The following CCDC175 variants were observed in gnomAD, a reference collection of about 807,000 sequenced individuals.
The protein encoded by CCDC175 is coiled-coil domain-containing protein 175.
In CCDC175, 100 loss-of-function variants were observed where a neutral mutation model predicts 114.6. The ratio of observed to expected loss-of-function variants is 0.87; its 90% CI spans 0.74 to 1.03. The LOEUF is 1.03. Among genes scored for constraint, CCDC175 ranks in the 50% least tolerant of loss-of-function variants. CCDC175 has a pLI of 0.00. For missense variants in CCDC175, 880 were observed against 917.8 expected, an observed-to-expected ratio of 0.96 and a Z score of 0.53; for synonymous variants, 306 against 308.7, an observed-to-expected ratio of 0.99 and a Z score of 0.09.
At chr14:59,534,180 G>T (rs997796350) in intron 13 of CCDC175, among the ~76,000 whole-genome samples, 2 of 152,122 alleles carry the variant, frequency 1.3e-5, no homozygotes, top group African/African-American at 4.8e-5. Context: ...AGACTGTGGG[G>T]TACTAGGTTC....
chr14:59,516,777 C>G (rs1446473238), intron 17 of CCDC175, among the ~76,000 whole-genome samples: 1 of 152,106 alleles, frequency 6.6e-6, no homozygotes, highest in Non-Finnish European at 1.5e-5. Flanking sequence ...TGAAACTATT[C>G]CAATCAATAG....
At chr14:59,548,989 A>G (rs867496778) in intron 8 of CCDC175, among the ~76,000 whole-genome samples, 2 of 152,322 alleles carry the variant, frequency 1.3e-5, no homozygotes, top group Middle Eastern at 3.4e-3. Context: ...GAACTGTGAG[A>G]GAAAGAAAAG....
chr14:59,520,541 T>C (rs1328186400), intron 17 of CCDC175, among the ~76,000 whole-genome samples: 1 of 152,224 alleles, frequency 6.6e-6, no homozygotes, highest in East Asian at 1.9e-4. Context: ...TAAAAACACT[T>C]GTAAACAAAT....
intron 19 of CCDC175, among the ~76,000 whole-genome samples, chr14:59,506,209 A>G (rs1892370280): frequency 6.6e-6 from 1 of 152,220 alleles, no homozygotes; most frequent in African/African-American, 2.4e-5. Context: ...GAGAGATTTA[A>G]AAAAATAATG....
chr14:59,522,779 G>T (rs552192459), intron 16 of CCDC175, among the ~76,000 whole-genome samples: 10 of 152,344 alleles, frequency 6.6e-5, no homozygotes, highest in African/African-American at 2.2e-4. Context: ...GTGTGGCAAG[G>T]TTCCCTTGCT....
intron 17 of CCDC175, among the ~76,000 whole-genome samples, chr14:59,520,005 C>T (rs1450133626): frequency 1.3e-5 from 2 of 152,318 alleles, no homozygotes; most frequent in East Asian, 1.9e-4. Flanking sequence ...TTTCAGTTCC[C>T]GGCTGTTGAA....
chr14:59,524,391 C>A (rs143110223), intron 16 of CCDC175, among the ~76,000 whole-genome samples: 3 of 152,188 alleles, frequency 2.0e-5, no homozygotes, highest in Admixed American at 1.3e-4. Flanking sequence ...GAGCTATAAT[C>A]AGTATGAAAT....
At position 59,563,804 on chromosome 14, in the gene CCDC175, T is replaced by G; in HGVS notation, c.776A>C (p.Lys259Thr). The change falls in exon 6 of 20, where the codon AAG becomes ACG. Residue 259 changes from lysine to threonine, a missense_variant. Coordinates refer to ENST00000537690, the MANE Select transcript of CCDC175 (RefSeq NM_001164399.2). ...EVKRMETYQK[K>T]KELDKLQTKM... The stretch of plus-strand genomic sequence containing the variant: ...AGTTTGTAATTTATCCAATTCTTTC[T>G]TCTTTTGATAAGTCTCCATTCTCTT... 1 of 1,439,518 alleles carries G rather than the reference T, an allele frequency of 6.9e-7. No homozygotes were observed. Among genetic ancestry groups the G allele is most frequent in the Non-Finnish European group, 9.1e-7 (1 of 1,095,336 alleles). 89.2% of individuals were successfully genotyped at this position (1,439,518 alleles called of 1,614,324 possible).
intron 19 of CCDC175, among the ~76,000 whole-genome samples, chr14:59,508,584 A>AAG (rs1317367070): frequency 2.0e-5 from 3 of 150,606 alleles, no homozygotes; most frequent in Non-Finnish European, 3.0e-5. Flanking sequence ...AAAAAAAAAA[A>AAG]AGAGAGAAAA....
In CCDC175 at chr14:59,510,699, C is replaced by A. The variant is rs1431740868; in HGVS notation, c.2252G>T (p.Ser751Ile). Residue 751 changes from serine (S) to isoleucine (I), a missense_variant, in exon 19 of 20, where the codon AGT becomes ATT. Coordinates refer to ENST00000537690, the MANE Select transcript of CCDC175 (RefSeq NM_001164399.2). ...MQHVSTWLRG[S>I]LEGLRLLVEQ... ...CACAAGCAAACGCAGCCCTTCAAGA[C>A]TCCCTCGTAGCCATGTACTGACATG... The A allele has an allele frequency of 6.5e-7, 1 of 1,537,280 alleles. No individual in the cohort carries two copies. The highest frequency in any genetic ancestry group is 8.7e-7 in the Non-Finnish European group (1 of 1,146,904).
At chr14:59,573,295 G>A (rs903322010) in intron 2 of CCDC175, among the ~76,000 whole-genome samples, 2 of 151,918 alleles carry the variant, frequency 1.3e-5, no homozygotes, top group Non-Finnish European at 2.9e-5. Context: ...GAAATCAGTT[G>A]GTGGGAAAAA....
At chr14:59,537,923 T>C in intron 13 of CCDC175, 100 bp downstream of exon 13, 1 of 796,256 alleles carries the variant, frequency 1.3e-6, no homozygotes, top group South Asian at 2.6e-5. Flanking sequence ...TACTAGAATA[T>C]TTATTTTACA....
intron 7 of CCDC175, among the ~76,000 whole-genome samples, chr14:59,560,600 T>C (rs117471881): frequency 6.6e-6 from 1 of 151,872 alleles, no homozygotes; most frequent in Non-Finnish European, 1.5e-5. Context: ...AAGAGAGGAG[T>C]AAAACACTTC....
chr14:59,570,716 T>C (rs1230051187), intron 3 of CCDC175, among the ~76,000 whole-genome samples: 5 of 145,282 alleles, frequency 3.4e-5, no homozygotes, highest in Non-Finnish European at 7.5e-5. Context: ...AGAACATAAC[T>C]TGGAATTAAG....
In CCDC175 at chr14:59,572,684, T is replaced by G; in HGVS notation, c.355+18A>C. The G allele has an allele frequency of 7.5e-7, 1 of 1,337,388 alleles. No homozygotes were observed. Among genetic ancestry groups the G allele is most frequent in the Non-Finnish European group, 1.0e-6 (1 of 999,578 alleles). 82.8% of individuals were successfully genotyped at this position (1,337,388 alleles called of 1,614,324 possible). On this transcript the variant is annotated intron_variant, in intron 3 of 19. Coordinates refer to ENST00000537690, the MANE Select transcript of CCDC175 (RefSeq NM_001164399.2). The stretch of plus-strand genomic sequence containing the variant: ...ATAAGATCAACTAAATTTCTAGAGT[T>G]GATAACCTCAAAAGTACCTTCCAAT...
At chr14:59,556,784 C>T (rs1895925328) in intron 7 of CCDC175, among the ~76,000 whole-genome samples, 1 of 152,118 alleles carries the variant, frequency 6.6e-6, no homozygotes, top group African/African-American at 2.4e-5. Flanking sequence ...AAACAAACAA[C>T]ACCATCAAAA....
intron 2 of CCDC175, among the ~76,000 whole-genome samples, chr14:59,573,801 T>C (rs1368123827): frequency 6.6e-6 from 1 of 152,018 alleles, no homozygotes; most frequent in African/African-American, 2.4e-5. Context: ...TTAGTAGAGA[T>C]GGAGTTTCAC....
intron 7 of CCDC175, among the ~76,000 whole-genome samples, chr14:59,552,586 T>C (rs1895591426): frequency 6.6e-6 from 1 of 151,888 alleles, no homozygotes; most frequent in South Asian, 2.1e-4. Flanking sequence ...AGAACACAGC[T>C]CCTCACCAGC....
In CCDC175 at chr14:59,572,779, TC is replaced by T; in HGVS notation, c.277del (p.Glu93ArgfsTer35). ...EMRKATIDLLEIESMELNKLY... is the reference protein window; with the variant it reads ...EMRKATIDLLXIESMELNKLY... ...TTTGTTGAGTTCCATGCTTTCAATCTCCAAAAGATCGATTGTGGCTTTTCTC... is the reference window on the plus strand; with the variant it reads ...TTTGTTGAGTTCCATGCTTTCAATCTCAAAAGATCGATTGTGGCTTTTCTC... On this transcript the variant is annotated frameshift_variant, in exon 3 of 20. Coordinates refer to ENST00000537690, the MANE Select transcript of CCDC175 (RefSeq NM_001164399.2). LOFTEE classifies it high-confidence loss of function. The T allele has an allele frequency of 6.6e-7, 1 of 1,515,904 alleles. No individual in the cohort carries two copies. The highest frequency in any genetic ancestry group is 1.4e-5 in the African/African-American group (1 of 71,986). The allele number at this position is 1,515,904 out of a possible 1,614,324, so 93.9% of individuals were successfully genotyped here.
Sources: gnomAD v4.1 joint callset for allele counts (sites outside exome capture counted in the v4.1 genomes callset) on GRCh38, gnomAD v4.1.1 for gene constraint, MANE v1.5 for transcripts, NCBI Gene and HGNC (gene_info 2026-07-23, HGNC 2026-07-21) for gene names.